Variants in SPECC1 observed in about 807,000 individuals in gnomAD.
The protein encoded by SPECC1 is cytospin-B.
Under a neutral mutation model 104.1 loss-of-function variants are expected in SPECC1, and 62 were observed. The observed-to-expected ratio is 0.60, with a 90% confidence interval of 0.49 to 0.74. SPECC1 has a LOEUF of 0.74. Among genes scored for constraint, SPECC1 ranks in the 30% least tolerant of loss-of-function variants. The pLI is 0.00. For missense variants in SPECC1, 1,306 were observed against 1,310.5 expected (o/e 1.00, Z 0.05); for synonymous variants, 513 against 501.6 (o/e 1.02, Z -0.30).
Position 20,318,348 on chromosome 17 carries a change from T to A in SPECC1, c.*4283T>A. The stretch of plus-strand genomic sequence containing the variant: ...CTTCTCTTGTCCTAGCCCCTTCTCA[T>A]TTCAAAAATATTAGTCTTTTATTTT... On this transcript the variant is annotated 3_prime_UTR_variant, in exon 15 of 15. Coordinates refer to ENST00000395527, the MANE Select transcript of SPECC1 (RefSeq NM_001243439.2). 4.3e-6 allele frequency: 1 copy of A among 231,720 alleles called. No homozygotes were observed. The highest frequency in any genetic ancestry group is 1.3e-3 in the Middle Eastern group (1 of 774). 14.4% of individuals were successfully genotyped at this position (231,720 alleles called of 1,614,324 possible).
chr17:20,164,389 G>A (rs2033459109), intron 3 of SPECC1, among the ~76,000 whole-genome samples: 1 of 151,808 alleles, frequency 6.6e-6, no homozygotes, highest in Non-Finnish European at 1.5e-5. Flanking sequence ...CTAGTCTCCA[G>A]CTCCTGGCCT....
At chr17:20,297,805 C>G (rs868489024) in intron 13 of SPECC1, among the ~76,000 whole-genome samples, 21 of 152,328 alleles carry the variant, frequency 1.4e-4, no homozygotes, top group African/African-American at 4.6e-4. Flanking sequence ...AAATACTGTG[C>G]TGGGTCCCGC....
chr17:20,088,164 C>T (rs2047250584), intron 1 of SPECC1, among the ~76,000 whole-genome samples: 1 of 152,188 alleles, frequency 6.6e-6, no homozygotes, highest in South Asian at 2.1e-4. Flanking sequence ...CTTTCACTCC[C>T]AATGCAGTGA....
chr17:20,106,074 G>T (rs1272834102), intron 2 of SPECC1, among the ~76,000 whole-genome samples: 3 of 152,216 alleles, frequency 2.0e-5, no homozygotes, highest in Non-Finnish European at 4.4e-5. Flanking sequence ...TAGGGGAAAA[G>T]CAGAATCCAC....
At chr17:20,139,714 T>C (rs901992408) in intron 3 of SPECC1, among the ~76,000 whole-genome samples, 1 of 152,158 alleles carries the variant, frequency 6.6e-6, no homozygotes, top group African/African-American at 2.4e-5. Context: ...CGCTCTTGTC[T>C]CCCAGGCTAG....
At chr17:20,141,795 G>T (rs2030835421) in intron 3 of SPECC1, among the ~76,000 whole-genome samples, 1 of 152,132 alleles carries the variant, frequency 6.6e-6, no homozygotes, top group South Asian at 2.1e-4. Flanking sequence ...CACTTCCTCA[G>T]AATTGGAGTG....
intron 3 of SPECC1, chr17:20,156,041 G>A (rs1050889797): frequency 7.8e-7 from 1 of 1,276,164 alleles, no homozygotes. Flanking sequence ...CGGCTCCGCC[G>A]GCAGCTGCTG....
At chr17:20,046,571 G>A (rs1296944413) in intron 1 of SPECC1, among the ~76,000 whole-genome samples, 2 of 152,158 alleles carry the variant, frequency 1.3e-5, no homozygotes, top group East Asian at 1.9e-4. Context: ...CTTAGAATAC[G>A]TTAGAAGAGA....
intron 4 of SPECC1, among the ~76,000 whole-genome samples, chr17:20,226,224 A>G: frequency 6.6e-6 from 1 of 152,248 alleles, no homozygotes; most frequent in East Asian, 1.9e-4. Flanking sequence ...AATATAGTCA[A>G]ACAGTGGAAT....
intron 3 of SPECC1, among the ~76,000 whole-genome samples, chr17:20,176,992 A>G (rs2034516087): frequency 6.6e-6 from 1 of 152,206 alleles, no homozygotes; most frequent in Non-Finnish European, 1.5e-5. Flanking sequence ...TGGGACTTGC[A>G]CAGCGGTACC....
chr17:20,165,466 A>G (rs1335544615), intron 3 of SPECC1, among the ~76,000 whole-genome samples: 1 of 152,200 alleles, frequency 6.6e-6, no homozygotes, highest in East Asian at 1.9e-4. Context: ...ATTGATGGAC[A>G]TTTGGATTGA....
intron 4 of SPECC1, among the ~76,000 whole-genome samples, chr17:20,221,387 G>A (rs1330421262): frequency 6.6e-6 from 1 of 152,082 alleles, no homozygotes; most frequent in East Asian, 1.9e-4. Context: ...ATTCAATCTT[G>A]TTAGGTTGTA....
At chr17:20,076,840 A>C (rs1029273881) in intron 1 of SPECC1, among the ~76,000 whole-genome samples, 2 of 151,046 alleles carry the variant, frequency 1.3e-5, no homozygotes, top group Non-Finnish European at 2.9e-5. Context: ...ATGGGGAAAA[A>C]AGAGTAAGAA....
At chr17:20,279,330 T>C (rs1335727665) in intron 12 of SPECC1, among the ~76,000 whole-genome samples, 2 of 149,652 alleles carry the variant, frequency 1.3e-5, no homozygotes, top group African/African-American at 2.5e-5. Flanking sequence ...TTTCTTTTTT[T>C]TTTTTTTCTG....
rs199621504 is a variant in SPECC1 at position 20,268,538 on chromosome 17, C to T, written c.2940+8244C>T. Among the ~76,000 whole-genome samples the T allele has an allele frequency of 5.3e-5, 8 of 152,306 alleles. No homozygotes were observed. The East Asian group carries it at 1.3e-3, about 26-fold the overall frequency. On this transcript the variant is annotated intron_variant, in intron 12 of 14. Coordinates refer to ENST00000395527, the MANE Select transcript of SPECC1 (RefSeq NM_001243439.2). ...ACGCACAATTCAAAGAACATAAAGC[C>T]TTTGATTTATTTACTGCCATCAGAG... is the stretch of plus-strand genomic sequence containing the variant.
intron 1 of SPECC1, among the ~76,000 whole-genome samples, chr17:20,078,186 G>A (rs1307404472): frequency 2.7e-5 from 4 of 150,562 alleles, no homozygotes; most frequent in Admixed American, 6.6e-5. Flanking sequence ...GACAGGAAAG[G>A]TTGTCTTAGC....
At chr17:20,038,795 G>T (rs1288124836) in intron 1 of SPECC1, among the ~76,000 whole-genome samples, 1 of 152,090 alleles carries the variant, frequency 6.6e-6, no homozygotes, top group Admixed American at 6.5e-5. Context: ...TTTGACCCAC[G>T]GATGATTTTA....
chr17:20,197,042 A>T (rs761153135), intron 3 of SPECC1, among the ~76,000 whole-genome samples: 1 of 152,238 alleles, frequency 6.6e-6, no homozygotes, highest in Non-Finnish European at 1.5e-5. Context: ...CATAATATGT[A>T]TATAGCTACC....
At chr17:20,163,898 C>A (rs1299562245) in intron 3 of SPECC1, among the ~76,000 whole-genome samples, 1 of 152,100 alleles carries the variant, frequency 6.6e-6, no homozygotes, top group African/African-American at 2.4e-5. Flanking sequence ...TATGTAGATG[C>A]AAGCTTTCCA....
Sources: allele counts gnomAD v4.1 joint callset (sites outside exome capture counted in the v4.1 genomes callset), GRCh38; gene constraint gnomAD v4.1.1; transcripts MANE v1.5; gene names NCBI Gene and HGNC (gene_info 2026-07-23, HGNC 2026-07-21).